MGMT: variants seen among roughly 807,000 people sequenced by gnomAD.
MGMT encodes O-6-methylguanine-DNA methyltransferase.
A neutral mutation model predicts 15.9 loss-of-function variants in MGMT; 14 were observed. That is an observed-to-expected ratio of 0.88 (90% CI 0.58 to 1.37). The LOEUF is 1.37. Ranked by LOEUF, MGMT falls within the 40% of genes most tolerant of loss-of-function variation. The pLI is 0.00. For missense variants in MGMT, 282 were observed against 268.1 expected (o/e 1.05, Z -0.36); for synonymous variants, 130 against 118.2 (o/e 1.10, Z -0.65).
chr10:129,485,742 T>C (rs764065199), intron 1 of MGMT, among the ~76,000 whole-genome samples: 21 of 152,236 alleles, frequency 1.4e-4, no homozygotes, highest in Non-Finnish European at 2.6e-4. Flanking sequence ...AGCTGTTACA[T>C]GTGGTTCTTG....
At chr10:129,638,461 A>AAAAG (rs1206037140) in intron 2 of MGMT, among the ~76,000 whole-genome samples, 4 of 149,812 alleles carry the variant, frequency 2.7e-5, no homozygotes, top group Non-Finnish European at 5.9e-5. Flanking sequence ...AAAAAAGAAA[A>AAAAG]ATAACTGACG....
At chr10:129,759,460 G>A in intron 4 of MGMT, 119 bp downstream of exon 4, 2 of 1,467,492 alleles carry the variant, frequency 1.4e-6, no homozygotes, top group Admixed American at 3.6e-5. Flanking sequence ...GGGCAGAGGG[G>A]CGATATCTGT....
intron 2 of MGMT, among the ~76,000 whole-genome samples, chr10:129,633,645 C>T (rs1847235421): frequency 6.6e-6 from 1 of 152,116 alleles, no homozygotes; most frequent in African/African-American, 2.4e-5. Context: ...CAATTACCTC[C>T]CATCTCACAG....
chr10:129,485,059 T>C (rs778591322), intron 1 of MGMT, among the ~76,000 whole-genome samples: 17 of 152,084 alleles, frequency 1.1e-4, no homozygotes, highest in Non-Finnish European at 1.9e-4. Flanking sequence ...TAGGAGATCT[T>C]TCCACACTGG....
chr10:129,638,461 A>AAAAAAAAAG (rs1206037140), intron 2 of MGMT, among the ~76,000 whole-genome samples: 1 of 149,814 alleles, frequency 6.7e-6, no homozygotes, highest in Non-Finnish European at 1.5e-5. Flanking sequence ...AAAAAAGAAA[A>AAAAAAAAAG]ATAACTGACG....
intron 2 of MGMT, among the ~76,000 whole-genome samples, chr10:129,706,610 T>G (rs188072579): frequency 1.2e-3 from 184 of 152,242 alleles, no homozygotes; most frequent in African/African-American, 4.1e-3. Context: ...ATGCCGTTTG[T>G]CTGGGGCCTC....
At chr10:129,530,107 T>G (rs1845914256) in intron 1 of MGMT, among the ~76,000 whole-genome samples, 1 of 152,146 alleles carries the variant, frequency 6.6e-6, no homozygotes, top group African/African-American at 2.4e-5. Context: ...TTCGCCACAT[T>G]GCCCAGACTG....
chr10:129,634,259 C>T (rs75177381), intron 2 of MGMT, among the ~76,000 whole-genome samples: 3,911 of 152,206 alleles, frequency 0.026, 80 homozygotes, highest in South Asian at 0.06. Flanking sequence ...ATTTTTTCCT[C>T]TGGTAGGTTG....
chr10:129,519,219 C>G (rs147305581), intron 1 of MGMT, among the ~76,000 whole-genome samples: 69 of 152,278 alleles, frequency 4.5e-4, no homozygotes, highest in African/African-American at 1.5e-3. Context: ...GAAGAATTTA[C>G]TGTAAGATAA....
intron 2 of MGMT, among the ~76,000 whole-genome samples, chr10:129,628,598 C>T (rs564001015): frequency 7.2e-5 from 11 of 152,248 alleles, no homozygotes; most frequent in Middle Eastern, 3.4e-3. Flanking sequence ...CATCCCAGTA[C>T]AAAAACCAGT....
intron 2 of MGMT, among the ~76,000 whole-genome samples, chr10:129,673,174 G>C (rs1378611104): frequency 6.6e-6 from 1 of 152,156 alleles, no homozygotes; most frequent in East Asian, 1.9e-4. Flanking sequence ...TCCCAGGGTA[G>C]GGGCAGCTCC....
chr10:129,515,417 A>G (rs941861418), intron 1 of MGMT, among the ~76,000 whole-genome samples: 1 of 152,116 alleles, frequency 6.6e-6, no homozygotes, highest in Non-Finnish European at 1.5e-5. Flanking sequence ...TGCTCCTTAG[A>G]TACAGTGCAG....
chr10:129,591,108 G>A (rs1564861806), intron 2 of MGMT, among the ~76,000 whole-genome samples: 1 of 152,180 alleles, frequency 6.6e-6, no homozygotes, highest in Non-Finnish European at 1.5e-5. Flanking sequence ...CTTCCTGGGG[G>A]CGCAGCGTGG....
intron 4 of MGMT, among the ~76,000 whole-genome samples, chr10:129,763,381 C>T (rs1848897235): frequency 6.6e-6 from 1 of 152,146 alleles, no homozygotes; most frequent in African/African-American, 2.4e-5. Context: ...GCAGCGTTCC[C>T]TATTTCTAAC....
rs138519424 is a variant in MGMT, at chr10:129,675,533, G to A, written c.126-32362G>A. On this transcript the variant is annotated intron_variant, in intron 2 of 4. Coordinates refer to ENST00000651593, the MANE Select transcript of MGMT (RefSeq NM_002412.5). ...TTGCTGGCATGTGTGACTAGCAGGAGGGGAGTCCCCATCAGAAGGGGAAAC... is the reference window on the plus strand; with the variant it reads ...TTGCTGGCATGTGTGACTAGCAGGAAGGGAGTCCCCATCAGAAGGGGAAAC... Among the ~76,000 whole-genome samples, 694 of 152,310 alleles carry A rather than the reference G, an allele frequency of 4.6e-3. 2 individuals are homozygous for A. The highest frequency in any genetic ancestry group is 0.02 in the Middle Eastern group (6 of 294).
chr10:129,472,955 A>G (rs1007711778), intron 1 of MGMT, among the ~76,000 whole-genome samples: 1 of 152,228 alleles, frequency 6.6e-6, no homozygotes, highest in South Asian at 2.1e-4. Context: ...CACAGTAGAC[A>G]TTCTCGACGT....
chr10:129,688,560 G>A (rs187314375), intron 2 of MGMT, among the ~76,000 whole-genome samples: 1 of 152,190 alleles, frequency 6.6e-6, no homozygotes, highest in East Asian at 1.9e-4. Flanking sequence ...TCTTGTAAAT[G>A]TGTTTAAATT....
At chr10:129,677,009 A>C (rs1445349144) in intron 2 of MGMT, among the ~76,000 whole-genome samples, 6 of 152,192 alleles carry the variant, frequency 3.9e-5, no homozygotes, top group Non-Finnish European at 8.8e-5. Context: ...GGGATGCCAA[A>C]GCCATTTCCA....
intron 2 of MGMT, among the ~76,000 whole-genome samples, chr10:129,674,733 C>T (rs374516208): frequency 2.6e-5 from 4 of 152,338 alleles, no homozygotes; most frequent in East Asian, 3.9e-4. Flanking sequence ...CCCCAGCTTT[C>T]GCCTCCCCTG....
Sources: gnomAD v4.1 joint callset for allele counts (sites outside exome capture counted in the v4.1 genomes callset) on GRCh38, gnomAD v4.1.1 for gene constraint, MANE v1.5 for transcripts, NCBI Gene and HGNC (gene_info 2026-07-23, HGNC 2026-07-21) for gene names.